SIL1: variants seen among roughly 807,000 people sequenced by gnomAD.
SIL1 encodes SIL1 nucleotide exchange factor, also known as nucleotide exchange factor SIL1.
In SIL1, 40 loss-of-function variants were observed where a neutral mutation model predicts 49.1. The ratio of observed to expected loss-of-function variants is 0.81; its 90% CI spans 0.63 to 1.06. SIL1 has a LOEUF of 1.06. Among genes scored for constraint, SIL1 ranks in the 50% least tolerant of loss-of-function variants. The probability of loss-of-function intolerance (pLI) is 0.00; values close to 1 mark genes in which losing one functional copy is unlikely to be tolerated. For missense variants in SIL1, 500 were observed against 572.6 expected, an observed-to-expected ratio of 0.87 and a Z score of 1.29; for synonymous variants, 253 against 250.8, an observed-to-expected ratio of 1.01 and a Z score of -0.08.
intron 5 of SIL1, among the ~76,000 whole-genome samples, chr5:139,031,871 G>A (rs1476652250): frequency 6.6e-6 from 1 of 152,086 alleles, no homozygotes. Context: ...ATTTTTAGGG[G>A]AGCAACTGTA....
At chr5:139,107,676 A>G (rs751632892) in intron 3 of SIL1, among the ~76,000 whole-genome samples, 18 of 152,194 alleles carry the variant, frequency 1.2e-4, no homozygotes, top group Admixed American at 2.0e-4. Flanking sequence ...TCACCTGGAC[A>G]TACTTGAAAA....
Position 139,031,062 on chromosome 5 carries a change from A to G in SIL1, c.454-4070T>C, listed in dbSNP as rs192837528. On this transcript the variant is annotated intron_variant, in intron 5 of 9. Coordinates refer to ENST00000394817, the MANE Select transcript of SIL1 (RefSeq NM_022464.5). ...ATATGATATGCAAATATTTCCTTCC[A>G]GTAGTTTATCTTCTGATCATCTTAA... 3.3e-5 allele frequency among the ~76,000 whole-genome samples: 5 copies of G among 152,294 alleles called. No homozygotes were observed. In the East Asian group the frequency reaches 9.6e-4, roughly 29 times the overall value.
chr5:139,029,453 A>G (rs1324300219), intron 5 of SIL1, among the ~76,000 whole-genome samples: 3 of 152,204 alleles, frequency 2.0e-5, no homozygotes, highest in Non-Finnish European at 4.4e-5. Context: ...GCTCATCCAT[A>G]CTTAGAAAGA....
chr5:139,013,646 A>G (rs773891391), intron 7 of SIL1: 18 of 152,202 alleles, frequency 1.2e-4, no homozygotes, highest in Non-Finnish European at 2.5e-4. Flanking sequence ...GTGGCTCTAC[A>G]GTTTCTTGTT....
intron 7 of SIL1, among the ~76,000 whole-genome samples, chr5:138,993,932 T>C (rs1222410470): frequency 6.6e-6 from 1 of 152,170 alleles, no homozygotes; most frequent in Non-Finnish European, 1.5e-5. Flanking sequence ...AGCCACTAAG[T>C]TTGTGAGAAT....
chr5:139,161,038 G>C (rs1317054677), intron 1 of SIL1, among the ~76,000 whole-genome samples: 1 of 152,186 alleles, frequency 6.6e-6, no homozygotes, highest in African/African-American at 2.4e-5. Flanking sequence ...GAGGTCAGGA[G>C]TTTGAGACCA....
At chr5:138,975,260 A>G (rs1216420805) in intron 7 of SIL1, among the ~76,000 whole-genome samples, 1 of 152,184 alleles carries the variant, frequency 6.6e-6, no homozygotes, top group Non-Finnish European at 1.5e-5. Flanking sequence ...AGCACAAGCC[A>G]CTGGCAGACT....
intron 7 of SIL1, among the ~76,000 whole-genome samples, chr5:139,010,438 C>T (rs1253713814): frequency 6.6e-6 from 1 of 151,918 alleles, no homozygotes. Flanking sequence ...GTAATTTGAT[C>T]GTCTGAAGCC....
chr5:139,185,322 T>C (rs536370054), intron 1 of SIL1, among the ~76,000 whole-genome samples: 3 of 152,300 alleles, frequency 2.0e-5, no homozygotes, highest in African/African-American at 7.2e-5. Context: ...CCTGAACTAA[T>C]AGGGTAGTAA....
At chr5:139,109,780 C>CTT (rs67556338) in intron 3 of SIL1, among the ~76,000 whole-genome samples, 3 of 130,938 alleles carry the variant, frequency 2.3e-5, no homozygotes, top group East Asian at 2.3e-4. Context: ...TCCCCTCTGT[C>CTT]TTTTTTTTTT....
chr5:139,141,281 A>G (rs1412790928), intron 1 of SIL1, among the ~76,000 whole-genome samples: 1 of 152,162 alleles, frequency 6.6e-6, no homozygotes, highest in Non-Finnish European at 1.5e-5. Flanking sequence ...AAAAAGAACC[A>G]TTTGGAAGAG....
intron 1 of SIL1, among the ~76,000 whole-genome samples, chr5:139,176,692 G>A (rs191168459): frequency 5.1e-4 from 78 of 152,074 alleles, no homozygotes; most frequent in South Asian, 1.5e-3. Context: ...GAAGCTCCTC[G>A]GGCCTCTTTT....
chr5:139,164,139 TATC>T (rs1751572369), intron 1 of SIL1, among the ~76,000 whole-genome samples: 1 of 149,834 alleles, frequency 6.7e-6, no homozygotes, highest in Non-Finnish European at 1.5e-5. Context: ...AAAAAGATAT[TATC>T]ATCTCCATTT....
intron 3 of SIL1, among the ~76,000 whole-genome samples, chr5:139,094,899 T>C (rs763189707): frequency 3.3e-5 from 5 of 152,224 alleles, no homozygotes; most frequent in African/African-American, 4.8e-5. Flanking sequence ...AAAACCATGA[T>C]AGTTTGCAGA....
At chr5:139,193,252 C>T (rs1369921385) in intron 1 of SIL1, among the ~76,000 whole-genome samples, 2 of 152,152 alleles carry the variant, frequency 1.3e-5, no homozygotes, top group African/African-American at 4.8e-5. Flanking sequence ...ATACACAGTA[C>T]ATCTGTGGTA....
chr5:139,161,148 C>T (rs1202971879), intron 1 of SIL1, among the ~76,000 whole-genome samples: 1 of 152,072 alleles, frequency 6.6e-6, no homozygotes, highest in Non-Finnish European at 1.5e-5. Flanking sequence ...GAGGCTGAGG[C>T]AGGAGAATCG....
chr5:138,951,115 A>G (rs1218753628), intron 9 of SIL1, 56 bp downstream of exon 9: 1 of 1,574,816 alleles, frequency 6.3e-7, no homozygotes, highest in South Asian at 1.1e-5. Context: ...CTGTCCATCC[A>G]CCCAGAAGCA....
intron 6 of SIL1, among the ~76,000 whole-genome samples, chr5:139,025,510 A>T (rs998054487): frequency 1.3e-5 from 2 of 152,206 alleles, no homozygotes; most frequent in African/African-American, 4.8e-5. Context: ...ACAACACTCA[A>T]CAAATATTAG....
At chr5:138,964,039 C>T (rs554911803) in intron 7 of SIL1, among the ~76,000 whole-genome samples, 10 of 152,366 alleles carry the variant, frequency 6.6e-5, no homozygotes, top group South Asian at 2.1e-4. Flanking sequence ...GCCCTTTGAC[C>T]TGACTCACCA....
Sources: allele counts gnomAD v4.1 joint callset (sites outside exome capture counted in the v4.1 genomes callset), GRCh38; gene constraint gnomAD v4.1.1; transcripts MANE v1.5; gene names NCBI Gene and HGNC (gene_info 2026-07-23, HGNC 2026-07-21).